LRP12: variants seen among roughly 807,000 people sequenced by gnomAD.
LRP12 encodes the protein LDL receptor related protein 12.
A neutral mutation model predicts 66.0 loss-of-function variants in LRP12; 14 were observed. That is an observed-to-expected ratio of 0.21 (90% confidence interval 0.14 to 0.33). LRP12 has a LOEUF of 0.33. LRP12 is among the 10% of genes least tolerant of loss of function. The pLI is 1.00. For synonymous variants in LRP12, 357 were observed against 359.1 expected (o/e 0.99, Z 0.07); for missense variants, 889 against 1,053.4 (o/e 0.84, Z 2.16).
At chr8:104,560,923 AG>A (rs1339217701) in intron 1 of LRP12, among the ~76,000 whole-genome samples, 1 of 152,166 alleles carries the variant, frequency 6.6e-6, no homozygotes, top group African/African-American at 2.4e-5. Flanking sequence ...GCTGTCCCGT[AG>A]AAGGCCCATA....
chr8:104,571,803 A>T (rs1369640277), intron 1 of LRP12, among the ~76,000 whole-genome samples: 1 of 152,186 alleles, frequency 6.6e-6, no homozygotes, highest in Non-Finnish European at 1.5e-5. Context: ...TCCTTATGAG[A>T]ATCTAATGCC....
intron 1 of LRP12, among the ~76,000 whole-genome samples, chr8:104,587,938 A>G (rs1482322737): frequency 2.0e-5 from 3 of 152,370 alleles, no homozygotes; most frequent in South Asian, 2.1e-4. Flanking sequence ...CGGTGAAGTC[A>G]GAAGTGTAAC....
At chr8:104,574,372 G>A (rs184710859) in intron 1 of LRP12, among the ~76,000 whole-genome samples, 21 of 152,236 alleles carry the variant, frequency 1.4e-4, no homozygotes, top group African/African-American at 2.4e-4. Context: ...CCTGCGACCC[G>A]AAAGTTTGGA....
chr8:104,512,380 A>C (rs957275211), intron 2 of LRP12, among the ~76,000 whole-genome samples: 1 of 152,214 alleles, frequency 6.6e-6, no homozygotes. Context: ...ATGAAAATAT[A>C]AACAAACATA....
chr8:104,538,007 GACAGTATT>G (rs1811414449), intron 1 of LRP12, among the ~76,000 whole-genome samples: 1 of 152,148 alleles, frequency 6.6e-6, no homozygotes, highest in African/African-American at 2.4e-5. Context: ...CAGGGGAAGA[GACAGTATT>G]TGTATCTCAT....
Position 104,491,062 on chromosome 8 carries a change from T to C in LRP12, c.2191A>G (p.Ser731Gly), listed in dbSNP as rs1810617530. 1.2e-6 allele frequency: 2 copies of C among 1,614,192 alleles called. No individual in the cohort carries two copies. Among genetic ancestry groups the C allele is most frequent in the Non-Finnish European group, 1.7e-6 (2 of 1,180,032 alleles). Reference protein sequence around the residue: ...PARHQLTSALSRMTQGLRWVR... With the variant: ...PARHQLTSALGRMTQGLRWVR... Reference sequence around the variant, plus strand: ...CAGCGTAGCCCCTGAGTCATACGACTGAGTGCACTTGTAAGCTGGTGACGT... The same window carrying C: ...CAGCGTAGCCCCTGAGTCATACGACCGAGTGCACTTGTAAGCTGGTGACGT... The change falls in exon 7 of 7, where the codon AGT (serine) becomes GGT (glycine). Residue 731 changes from serine to glycine, a missense_variant. This residue lies in a region of LRP12 where 800 missense variants were observed against 964.5 expected (regional missense o/e 0.83). Coordinates refer to ENST00000276654, the MANE Select transcript of LRP12 (RefSeq NM_013437.5).
At chr8:104,534,085 T>A (rs1321187217) in intron 1 of LRP12, among the ~76,000 whole-genome samples, 6 of 128,516 alleles carry the variant, frequency 4.7e-5, no homozygotes, top group Admixed American at 1.5e-4. Flanking sequence ...AAAAAAAAAA[T>A]CTAAAACTAT....
At chr8:104,575,520 C>T (rs565823574) in intron 1 of LRP12, among the ~76,000 whole-genome samples, 1 of 152,282 alleles carries the variant, frequency 6.6e-6, no homozygotes, top group East Asian at 1.9e-4. Context: ...GAGCTGAGCA[C>T]TGGCCCCCTA....
chr8:104,544,833 G>C (rs1414337116), intron 1 of LRP12, among the ~76,000 whole-genome samples: 1 of 152,146 alleles, frequency 6.6e-6, no homozygotes, highest in Non-Finnish European at 1.5e-5. Context: ...ATATTTCCAT[G>C]CCTGCTAACA....
chr8:104,496,925 T>C, intron 5 of LRP12, 47 bp downstream of exon 5: 1 of 1,458,752 alleles, frequency 6.9e-7, no homozygotes, highest in Non-Finnish European at 9.1e-7. Context: ...TTTCAAACAC[T>C]TGGGCCTGCT....
At position 104,498,213 on chromosome 8, in the gene LRP12, G is replaced by C. The variant is rs550003396; in HGVS notation, c.476-137C>G. ...TGCTAGAAGTTTTAAAAAACAGGTT[G>C]GTTTTTTAATATTTTAATTTTAAGT... On this transcript the variant is annotated intron_variant, in intron 4 of 6. Transcript: ENST00000276654. The C allele has an allele frequency of 2.2e-4, 192 of 869,090 alleles. No individual in the cohort carries two copies. In the African/African-American group the frequency reaches 3.0e-3, roughly 14 times the overall value. 53.8% of individuals were successfully genotyped at this position (869,090 alleles called of 1,614,324 possible). A position where few individuals can be genotyped will look rare whatever the true frequency, so the allele number is the denominator to read the frequency against.
At chr8:104,540,018 G>A (rs1418565404) in intron 1 of LRP12, among the ~76,000 whole-genome samples, 2 of 152,106 alleles carry the variant, frequency 1.3e-5, no homozygotes, top group African/African-American at 4.8e-5. Flanking sequence ...CTAACATCTA[G>A]AATCAAAGTG....
At chr8:104,536,651 A>G (rs1428532949) in intron 1 of LRP12, among the ~76,000 whole-genome samples, 1 of 152,070 alleles carries the variant, frequency 6.6e-6, no homozygotes, top group Non-Finnish European at 1.5e-5. Flanking sequence ...CTTCTTATTC[A>G]AGGGGAAAGC....
At chr8:104,574,702 C>A (rs1235013785) in intron 1 of LRP12, among the ~76,000 whole-genome samples, 1 of 152,122 alleles carries the variant, frequency 6.6e-6, no homozygotes, top group African/African-American at 2.4e-5. Context: ...GAAGACTGAG[C>A]ATGAAAAACA....
chr8:104,572,184 T>C (rs1244120410), intron 1 of LRP12, among the ~76,000 whole-genome samples: 1 of 152,220 alleles, frequency 6.6e-6, no homozygotes, highest in East Asian at 1.9e-4. Flanking sequence ...ATTCCATTTA[T>C]ATGACATTCT....
intron 2 of LRP12, among the ~76,000 whole-genome samples, chr8:104,512,549 C>CTA (rs1811014146): frequency 6.6e-6 from 1 of 152,062 alleles, no homozygotes; most frequent in Non-Finnish European, 1.5e-5. Flanking sequence ...AAGTACTCAA[C>CTA]TATTTATTAA....
intron 3 of LRP12, among the ~76,000 whole-genome samples, chr8:104,500,121 G>C (rs897377468): frequency 1.3e-5 from 2 of 152,148 alleles, no homozygotes; most frequent in Non-Finnish European, 2.9e-5. Flanking sequence ...TTAATAAAAT[G>C]TGGGCATAAG....
intron 1 of LRP12, among the ~76,000 whole-genome samples, chr8:104,572,889 C>T (rs1489997141): frequency 6.6e-6 from 1 of 152,032 alleles, no homozygotes; most frequent in Admixed American, 6.6e-5. Flanking sequence ...CTACTTAGAT[C>T]AGGGAATAAA....
chr8:104,502,926 C>G (rs183550026), intron 3 of LRP12, among the ~76,000 whole-genome samples: 1 of 152,030 alleles, frequency 6.6e-6, no homozygotes, highest in African/African-American at 2.4e-5. Context: ...TGGCTCACGC[C>G]GTAATCCCAG....
Sources: allele counts gnomAD v4.1 joint callset (sites outside exome capture counted in the v4.1 genomes callset), GRCh38; gene constraint gnomAD v4.1.1; regional missense constraint gnomAD v4.1.1; transcripts MANE v1.5; gene names NCBI Gene and HGNC (gene_info 2026-07-23, HGNC 2026-07-21).